LGALS3: variants seen among roughly 807,000 people sequenced by gnomAD.
LGALS3 encodes the protein galectin 3.
LGALS3 carries 18 observed loss-of-function variants against 20.7 expected under a neutral mutation model. The ratio of observed to expected loss-of-function variants is 0.87; its 90% confidence interval spans 0.60 to 1.29. LGALS3 has a LOEUF of 1.29. Among genes scored for constraint, LGALS3 ranks in the 50% most tolerant of loss-of-function variants. The pLI is 0.00. For missense variants in LGALS3, 315 were observed against 314.7 expected (o/e 1.00, Z -0.01); for synonymous variants, 112 against 119.6 (o/e 0.94, Z 0.42).
At chr14:55,137,266 C>A in intron 1 of LGALS3, 104 bp from the exon 2 acceptor site, 1 of 1,094,156 alleles carries the variant, frequency 9.1e-7, no homozygotes. Context: ...AGGCATAATG[C>A]CTAGAGATGG....
intron 1 of LGALS3, among the ~76,000 whole-genome samples, chr14:55,134,104 C>T (rs1881312088): frequency 6.6e-6 from 1 of 152,138 alleles, no homozygotes; most frequent in South Asian, 2.1e-4. Flanking sequence ...TGGGGTTTTG[C>T]TGTATTGCCC....
intron 3 of LGALS3, 102 bp from the exon 4 acceptor site, chr14:55,140,173 T>C (rs1315455706): frequency 1.3e-6 from 1 of 740,782 alleles, no homozygotes; most frequent in East Asian, 2.8e-5. Context: ...TAGAGTTATG[T>C]GTTTTTCACA....
rs771052958 is a variant in LGALS3, at chr14:55,137,355, CTTTG to C, written c.-4-11_-4-8del. The C allele has an allele frequency of 3.7e-6, 6 of 1,612,252 alleles. No homozygotes were observed. In the East Asian group the frequency reaches 8.9e-5, roughly 24 times the overall value. ...AAAGCTTTTAGGATAAAATGATAAT[CTTTG>C]TTTCTTTCAGGAAAATGGCAGACAA... On this transcript the variant is annotated splice_polypyrimidine_tract_variant and intron_variant, in intron 1 of 5. Transcript: ENST00000254301.
chr14:55,131,308 G>A (rs1030442428), intron 1 of LGALS3, among the ~76,000 whole-genome samples: 12 of 152,164 alleles, frequency 7.9e-5, no homozygotes, highest in South Asian at 2.1e-4. Flanking sequence ...ATGATAGTTC[G>A]CTGTACTACA....
intron 4 of LGALS3, among the ~76,000 whole-genome samples, chr14:55,142,141 T>A (rs1881645066): frequency 6.6e-6 from 1 of 152,234 alleles, no homozygotes; most frequent in African/African-American, 2.4e-5. Flanking sequence ...AGCCAGGTAT[T>A]TGATGGCTGT....
intron 5 of LGALS3, chr14:55,143,524 C>T (rs6573005): frequency 1.5e-5 from 4 of 274,138 alleles, no homozygotes; most frequent in South Asian, 2.8e-5. Context: ...TGGGTTCAAG[C>T]GATGCTCCTG....
At chr14:55,143,069 G>A (rs1881684476) in intron 5 of LGALS3, among the ~76,000 whole-genome samples, 1 of 152,168 alleles carries the variant, frequency 6.6e-6, no homozygotes, top group South Asian at 2.1e-4. Context: ...CTGCGACTTT[G>A]TTGCTTAAAA....
intron 1 of LGALS3, among the ~76,000 whole-genome samples, chr14:55,132,955 G>A (rs987024345): frequency 2.6e-5 from 4 of 152,192 alleles, no homozygotes; most frequent in African/African-American, 9.7e-5. Flanking sequence ...TGGTTAAAAT[G>A]TCATTATAAT....
chr14:55,134,356 G>A (rs1394930699), intron 1 of LGALS3, among the ~76,000 whole-genome samples: 1 of 152,178 alleles, frequency 6.6e-6, no homozygotes, highest in Admixed American at 6.5e-5. Flanking sequence ...GTGGTGCTGA[G>A]GTTCACAATA....
chr14:55,136,242 C>T (rs139376852), intron 1 of LGALS3, among the ~76,000 whole-genome samples: 25 of 152,096 alleles, frequency 1.6e-4, no homozygotes, highest in Non-Finnish European at 2.9e-4. Context: ...CTTCACGTCA[C>T]GTTGCCTGAA....
chr14:55,136,024 A>T (rs1267301987), intron 1 of LGALS3, among the ~76,000 whole-genome samples: 1 of 152,164 alleles, frequency 6.6e-6, no homozygotes, highest in Non-Finnish European at 1.5e-5. Context: ...GGCACAGGTG[A>T]TCCTGAGCTT....
rs752898462 is a variant in LGALS3, at chr14:55,138,100, C to G, written c.74C>G (p.Ala25Gly). The G allele has an allele frequency of 5.9e-6, 9 of 1,533,406 alleles. No homozygotes were observed. The highest frequency in any genetic ancestry group is 1.8e-4 in the Middle Eastern group (1 of 5,690). The allele number at this position is 1,533,406 out of a possible 1,614,324, so 95.0% of individuals were successfully genotyped here. The change falls in exon 3 of 6, where the codon GCA becomes GGA. Residue 25 changes from alanine (A) to glycine (G), a missense_variant. Transcript: ENST00000254301. ...CCAAACCCTCAAGGATGGCCTGGCG[C>G]ATGGGGGAACCAGCCTGCTGGGGCA... is the stretch of plus-strand genomic sequence containing the variant. The part of the protein sequence containing the change: ...GNPNPQGWPG[A>G]WGNQPAGAGG...
Position 55,141,964 on chromosome 14 carries a change from G to A in LGALS3, c.432-620G>A, listed in dbSNP as rs1023202725. Among the ~76,000 whole-genome samples, 12 of 152,334 alleles carry A rather than the reference G, an allele frequency of 7.9e-5. No individual in the cohort carries two copies. In the East Asian group the frequency reaches 2.3e-3, roughly 29 times the overall value. On this transcript the variant is annotated intron_variant, in intron 4 of 5. Transcript: ENST00000254301. Reference sequence around the variant, plus strand: ...TTAACCTCCAGGGAGAAGGAACAGGGTCAAAAAGCTAAACTAGCAATTTCA... The same window carrying A: ...TTAACCTCCAGGGAGAAGGAACAGGATCAAAAAGCTAAACTAGCAATTTCA...
intron 4 of LGALS3, among the ~76,000 whole-genome samples, chr14:55,141,067 C>T (rs1226691428): frequency 6.6e-6 from 1 of 152,130 alleles, no homozygotes; most frequent in East Asian, 1.9e-4. Flanking sequence ...AAATTCAAGC[C>T]ATGTACACAG....
intron 4 of LGALS3, among the ~76,000 whole-genome samples, chr14:55,142,190 G>A (rs1881646447): frequency 6.6e-6 from 1 of 152,164 alleles, no homozygotes; most frequent in Non-Finnish European, 1.5e-5. Context: ...GGTATTGAAA[G>A]CAAACTGGAA....
At chr14:55,144,373 T>C (rs908508050) in intron 5 of LGALS3, among the ~76,000 whole-genome samples, 4 of 152,232 alleles carry the variant, frequency 2.6e-5, no homozygotes, top group African/African-American at 9.6e-5. Context: ...CTCAAACTCC[T>C]GGGCTCAAGA....
chr14:55,143,655 C>T lies in LGALS3; in HGVS notation c.597+906C>T, dbSNP rs150636420. On this transcript the variant is annotated intron_variant, in intron 5 of 5. Coordinates refer to ENST00000254301, the MANE Select transcript of LGALS3 (RefSeq NM_002306.4). Reference sequence around the variant, plus strand: ...CAGGATGGTCTTGATCTCTTGACCTCGTGATCCGCCCACCTCAGCTTCCCA... The same window carrying T: ...CAGGATGGTCTTGATCTCTTGACCTTGTGATCCGCCCACCTCAGCTTCCCA... The T allele has an allele frequency of 7.5e-3, 1,324 of 176,026 alleles. 19 individuals carry two copies. Among genetic ancestry groups the T allele is most frequent in the African/African-American group, 0.029 (1,215 of 41,618 alleles). The allele number at this position is 176,026 out of a possible 1,614,324, so 10.9% of individuals were successfully genotyped here.
chr14:55,140,105 C>A (rs1403006512), intron 3 of LGALS3, among the ~76,000 whole-genome samples, 170 bp from the exon 4 acceptor site: 1 of 152,096 alleles, frequency 6.6e-6, no homozygotes, highest in African/African-American at 2.4e-5. Flanking sequence ...ATCTAGGGAG[C>A]CTTATCTCTT....
chr14:55,141,738 C>T (rs964712266), intron 4 of LGALS3, among the ~76,000 whole-genome samples: 2 of 152,134 alleles, frequency 1.3e-5, no homozygotes, highest in Non-Finnish European at 2.9e-5. Context: ...TTTTTCCTTA[C>T]AAATTTAATC....
Sources: allele counts gnomAD v4.1 joint callset (sites outside exome capture counted in the v4.1 genomes callset), GRCh38; gene constraint gnomAD v4.1.1; transcripts MANE v1.5; gene names NCBI Gene and HGNC (gene_info 2026-07-23, HGNC 2026-07-21).